The following ITGB5 variants were observed in gnomAD, a reference collection of about 807,000 sequenced individuals.
ITGB5 encodes integrin beta-5.
Under a neutral mutation model 84.8 loss-of-function variants are expected in ITGB5, and 38 were observed. The observed-to-expected ratio is 0.45, with a 90% CI of 0.35 to 0.59. The LOEUF (loss-of-function observed/expected upper bound fraction) is 0.59. Among genes scored for constraint, ITGB5 ranks in the 20% least tolerant of loss-of-function variants. ITGB5 has a pLI of 0.01. For missense variants in ITGB5, 905 were observed against 1,034.5 expected (o/e 0.87, Z 1.72); for synonymous variants, 393 against 414.4 (o/e 0.95, Z 0.63).
chr3:124,884,332 G>A (rs1934708266), intron 1 of ITGB5, among the ~76,000 whole-genome samples: 1 of 152,172 alleles, frequency 6.6e-6, no homozygotes, highest in Non-Finnish European at 1.5e-5. Context: ...AGGGCCCTAA[G>A]AGGTAAGCAG....
chr3:124,890,010 C>A (rs1934962167), upstream of ITGB5, among the ~76,000 whole-genome samples: 1 of 151,164 alleles, frequency 6.6e-6, no homozygotes, highest in Non-Finnish European at 1.5e-5. Context: ...AAGCGAGACT[C>A]TGTCTCAATC....
At chr3:124,814,478 TAAAAAA>T (rs71625774) in intron 8 of ITGB5, among the ~76,000 whole-genome samples, 2 of 134,976 alleles carry the variant, frequency 1.5e-5, no homozygotes, top group Non-Finnish European at 3.2e-5. Flanking sequence ...TTTTCCAATT[TAAAAAA>T]AAAAAAAAAA....
chr3:124,798,055 C>CTTTTTTTTTTTTTTTTTTTTTT lies in ITGB5; in HGVS notation c.1264-1239_1264-1238insAAAAAAAAAAAAAAAAAAAAAA, dbSNP rs60292129. Among the ~76,000 whole-genome samples the CTTTTTTTTTTTTTTTTTTTTTT allele has an allele frequency of 4.9e-4, 51 of 103,644 alleles. 8 individuals carry two copies. Among genetic ancestry groups the CTTTTTTTTTTTTTTTTTTTTTT allele is most frequent in the African/African-American group, 8.8e-4 (22 of 25,022 alleles). The allele number at this position is 103,644 out of a possible 152,430, so 68.0% of individuals were successfully genotyped here. A position where few individuals can be genotyped will look rare whatever the true frequency, so the allele number is the denominator to read the frequency against. ...TTCTATTCTTTCGGCTAGAATAAAG[C>CTTTTTTTTTTTTTTTTTTTTTT]TTTTTTTTTTTTTTTTGAGGTGGAG... On this transcript the variant is annotated intron_variant, in intron 9 of 14. Coordinates refer to ENST00000296181, the MANE Select transcript of ITGB5 (RefSeq NM_002213.5).
chr3:124,816,788 C>A (rs3772836), intron 8 of ITGB5, among the ~76,000 whole-genome samples: 25,132 of 152,086 alleles, frequency 0.17, 4,543 homozygotes, highest in African/African-American at 0.45. Flanking sequence ...CCTAAACCAC[C>A]TCTATAAGAA....
intron 8 of ITGB5, among the ~76,000 whole-genome samples, chr3:124,812,340 A>T (rs2064517521): frequency 6.6e-6 from 1 of 152,186 alleles, no homozygotes; most frequent in African/African-American, 2.4e-5. Flanking sequence ...AAAGGCTATT[A>T]AATACTCGGT....
At chr3:124,845,848 C>T (rs2065069902) in intron 4 of ITGB5, among the ~76,000 whole-genome samples, 4 of 152,114 alleles carry the variant, frequency 2.6e-5, no homozygotes, top group Admixed American at 2.6e-4. Context: ...TGAAAAAAGG[C>T]TTAAGGCTTG....
At position 124,821,386 on chromosome 3, in the gene ITGB5, C is replaced by T. The variant is rs747714529; in HGVS notation, c.869G>A (p.Gly290Glu). 2 of 1,614,232 alleles carry T rather than the reference C, an allele frequency of 1.2e-6. No homozygotes were observed. Among genetic ancestry groups the T allele is most frequent in the Non-Finnish European group, 8.5e-7 (1 of 1,180,030 alleles). Residue 290 changes from glycine (G) to glutamate (E), a missense_variant, in exon 6 of 15, where the codon GGA becomes GAA. By Grantham distance (98) the Gly-to-Glu change is moderately conservative (BLOSUM62 -2). This residue lies in a region of ITGB5 where 656 missense variants were observed against 734.7 expected (regional missense o/e 0.89). Coordinates refer to ENST00000296181, the MANE Select transcript of ITGB5 (RefSeq NM_002213.5). The part of the protein sequence containing the change: ...VPHIALDGKL[G>E]GLVQPHDGQC... ...GCCATCGTGTGGCTGCACCAGGCCT[C>T]CCAATTTTCCATCCAATGCGATGTG...
chr3:124,764,053 G>C (rs904340190), intron 14 of ITGB5, among the ~76,000 whole-genome samples: 4 of 152,228 alleles, frequency 2.6e-5, no homozygotes, highest in Non-Finnish European at 5.9e-5. Flanking sequence ...GGGGTGACCA[G>C]ACTGCAGGTG....
At chr3:124,877,993 C>T (rs1286079406) in intron 1 of ITGB5, among the ~76,000 whole-genome samples, 3 of 152,162 alleles carry the variant, frequency 2.0e-5, no homozygotes, top group Non-Finnish European at 4.4e-5. Flanking sequence ...CAGGCATATG[C>T]CATCACGCCT....
chr3:124,827,202 C>A (rs1282937059), intron 5 of ITGB5, among the ~76,000 whole-genome samples: 1 of 152,172 alleles, frequency 6.6e-6, no homozygotes, highest in East Asian at 1.9e-4. Flanking sequence ...GAGGTCAAAT[C>A]TTTGCTCTGT....
At chr3:124,848,718 C>T (rs959469029) in intron 3 of ITGB5, among the ~76,000 whole-genome samples, 160 bp from the exon 4 acceptor site, 8 of 152,194 alleles carry the variant, frequency 5.3e-5, no homozygotes, top group Non-Finnish European at 1.2e-4. Context: ...GAAGGGAATA[C>T]GGTGCTGAGA....
chr3:124,771,446 G>A (rs1458810157), intron 11 of ITGB5, among the ~76,000 whole-genome samples: 2 of 152,218 alleles, frequency 1.3e-5, no homozygotes, highest in South Asian at 2.1e-4. Context: ...GTGGCCCAGA[G>A]ACAAATAAGA....
chr3:124,860,767 T>C (rs1002856082), intron 2 of ITGB5, among the ~76,000 whole-genome samples: 1 of 152,232 alleles, frequency 6.6e-6, no homozygotes, highest in Non-Finnish European at 1.5e-5. Flanking sequence ...AGAAGCCTCA[T>C]GTGAGTCAGC....
At position 124,821,447 on chromosome 3, in the gene ITGB5, G is replaced by A. The variant is rs751703641; in HGVS notation, c.808C>T (p.Leu270=). 1 of 1,614,234 alleles carries A rather than the reference G, an allele frequency of 6.2e-7. No individual in the cohort carries two copies. The highest frequency in any genetic ancestry group is 8.5e-7 in the Non-Finnish European group (1 of 1,180,034). ...KEKIGWRKDA[L]HLLVFTTDDV... ...TCTGTTGTGAACACCAGCAAATGCAGTGCATCCTTTCGCCAGCCAATCTTC... is the reference window on the plus strand; with the variant it reads ...TCTGTTGTGAACACCAGCAAATGCAATGCATCCTTTCGCCAGCCAATCTTC... Residue 270 remains leucine (L), a synonymous_variant, in exon 6 of 15, where the codon CTG becomes TTG. Transcript: ENST00000296181.
intron 10 of ITGB5, among the ~76,000 whole-genome samples, chr3:124,790,506 G>T (rs548664713): frequency 4.1e-4 from 60 of 145,838 alleles, no homozygotes; most frequent in African/African-American, 1.6e-3. Flanking sequence ...TGACTAGACA[G>T]GGTTATCAGA....
intron 1 of ITGB5, among the ~76,000 whole-genome samples, chr3:124,876,398 C>T (rs1413863547): frequency 2.6e-5 from 4 of 151,928 alleles, no homozygotes; most frequent in African/African-American, 4.8e-5. Context: ...TGGAACATTT[C>T]CCTAATTTGC....
At chr3:124,874,904 A>G (rs186324782) in intron 1 of ITGB5, among the ~76,000 whole-genome samples, 1 of 152,356 alleles carries the variant, frequency 6.6e-6, no homozygotes. Flanking sequence ...TAAAACTACC[A>G]AAAGAAAATG....
At chr3:124,764,612 C>CA in intron 13 of ITGB5, 55 bp from the exon 14 acceptor site, 1 of 1,539,230 alleles carries the variant, frequency 6.5e-7, no homozygotes, top group Non-Finnish European at 8.9e-7. Context: ...ATGCCCCTCT[C>CA]ACGCAACTGC....
intron 12 of ITGB5, 33 bp downstream of exon 12, chr3:124,768,980 C>A (rs761259091): frequency 6.4e-7 from 1 of 1,562,854 alleles, no homozygotes; most frequent in East Asian, 2.2e-5. Flanking sequence ...AGGAGAAAAA[C>A]CGTGACTGCC....
Sources: allele counts gnomAD v4.1 joint callset (sites outside exome capture counted in the v4.1 genomes callset), GRCh38; gene constraint gnomAD v4.1.1; regional missense constraint gnomAD v4.1.1; transcripts MANE v1.5; gene names NCBI Gene and HGNC (gene_info 2026-07-23, HGNC 2026-07-21).